Variants in DSCAM observed in about 807,000 individuals in gnomAD.
DSCAM encodes DS cell adhesion molecule.
In DSCAM, 47 loss-of-function variants were observed where a neutral mutation model predicts 217.7. That is an observed-to-expected ratio of 0.22 (90% CI 0.17 to 0.28). DSCAM has a LOEUF of 0.28. DSCAM is among the 10% of genes least tolerant of loss of function. DSCAM has a pLI of 1.00. For missense variants in DSCAM, 2,080 were observed against 2,618.3 expected, an observed-to-expected ratio of 0.79 and a Z score of 4.49; for synonymous variants, 1,056 against 1,015.3, an observed-to-expected ratio of 1.04 and a Z score of -0.76.
intron 3 of DSCAM, among the ~76,000 whole-genome samples, chr21:40,530,102 G>A (rs2076431484): frequency 6.6e-6 from 1 of 152,170 alleles, no homozygotes; most frequent in Non-Finnish European, 1.5e-5. Flanking sequence ...GCTCTCTGCT[G>A]TAGCTCCACA....
At chr21:40,494,662 AGAT>A (rs1200335400) in intron 3 of DSCAM, among the ~76,000 whole-genome samples, 1 of 152,086 alleles carries the variant, frequency 6.6e-6, no homozygotes, top group Non-Finnish European at 1.5e-5. Flanking sequence ...TAAAAAAAAA[AGAT>A]GATTTCAAAT....
chr21:40,554,872 T>C (rs1247930546), intron 3 of DSCAM, among the ~76,000 whole-genome samples: 1 of 152,184 alleles, frequency 6.6e-6, no homozygotes, highest in East Asian at 1.9e-4. Context: ...ACTTGACACA[T>C]GGTATTGAAA....
intron 3 of DSCAM, among the ~76,000 whole-genome samples, chr21:40,494,074 G>T (rs953587969): frequency 2.6e-5 from 4 of 151,718 alleles, no homozygotes; most frequent in Non-Finnish European, 5.9e-5. Flanking sequence ...AAGGATCAAA[G>T]CACACCACTA....
rs547551771 is a variant in DSCAM at position 40,559,302 on chromosome 21, C to CA, written c.508+133507dup. ...TGAAACCCCGTCTCTACTAAAAATA[C>CA]AAAAAATTAGCCGGGCGCGGTGGCG... On this transcript the variant is annotated intron_variant, in intron 3 of 32. Coordinates refer to ENST00000400454, the MANE Select transcript of DSCAM (RefSeq NM_001389.5). 5.9e-5 allele frequency among the ~76,000 whole-genome samples: 9 copies of CA among 151,738 alleles called. No individual in the cohort carries two copies. The East Asian group carries it at 1.6e-3, about 26-fold the overall frequency.
intron 3 of DSCAM, among the ~76,000 whole-genome samples, chr21:40,508,537 C>G (rs1322157396): frequency 6.6e-6 from 1 of 151,466 alleles, no homozygotes; most frequent in East Asian, 1.9e-4. Flanking sequence ...AGACAAACAA[C>G]ATTTTAAAAT....
At chr21:40,443,859 C>T (rs996907919) in intron 3 of DSCAM, among the ~76,000 whole-genome samples, 2 of 152,180 alleles carry the variant, frequency 1.3e-5, no homozygotes, top group African/African-American at 2.4e-5. Flanking sequence ...AGCTCTACAT[C>T]ATATTTGTAT....
At chr21:40,259,989 AG>A (rs1164917789) in intron 11 of DSCAM, among the ~76,000 whole-genome samples, 1 of 151,956 alleles carries the variant, frequency 6.6e-6, no homozygotes, top group African/African-American at 2.4e-5. Flanking sequence ...GGCCTCCCAA[AG>A]TGCTGGGATT....
At chr21:40,177,516 C>T (rs1229341947) in intron 15 of DSCAM, among the ~76,000 whole-genome samples, 1 of 152,162 alleles carries the variant, frequency 6.6e-6, no homozygotes, top group Non-Finnish European at 1.5e-5. Flanking sequence ...ACATTTTAAC[C>T]TATTCTCTTG....
intron 1 of DSCAM, among the ~76,000 whole-genome samples, chr21:40,825,393 C>T (rs1055834856): frequency 6.6e-6 from 1 of 152,022 alleles, no homozygotes; most frequent in African/African-American, 2.4e-5. Context: ...TCTCAGCTCA[C>T]TGCAACCTCT....
intron 8 of DSCAM, among the ~76,000 whole-genome samples, chr21:40,329,509 G>T (rs1189061579): frequency 2.0e-5 from 3 of 151,894 alleles, no homozygotes; most frequent in African/African-American, 7.3e-5. Flanking sequence ...AGCTACTTGG[G>T]AGGCTGAGGC....
chr21:40,290,299 T>C (rs73227011), intron 10 of DSCAM, among the ~76,000 whole-genome samples: 4,140 of 152,192 alleles, frequency 0.027, 86 homozygotes, highest in East Asian at 0.079. Context: ...TGACCCCAAA[T>C]GGAAAACACC....
At chr21:40,609,078 C>T (rs1262480756) in intron 3 of DSCAM, among the ~76,000 whole-genome samples, 1 of 152,160 alleles carries the variant, frequency 6.6e-6, no homozygotes, top group Non-Finnish European at 1.5e-5. Context: ...CCTCAGGCCC[C>T]TGCATAGCTT....
In DSCAM at chr21:40,481,415, G is replaced by A. The variant is rs971916139; in HGVS notation, c.509-112170C>T. ...TGAGGGAGGAGAATGGCATGAACCC[G>A]GGAGGCAAAGCTTGCAGAGAATGGC... On this transcript the variant is annotated intron_variant, in intron 3 of 32. Coordinates refer to ENST00000400454, the MANE Select transcript of DSCAM (RefSeq NM_001389.5). Among the ~76,000 whole-genome samples the A allele has an allele frequency of 5.9e-5, 9 of 151,540 alleles. No individual in the cohort carries two copies. In the South Asian group the frequency reaches 1.0e-3, roughly 18 times the overall value.
chr21:40,161,422 TA>T (rs112201028), intron 16 of DSCAM, among the ~76,000 whole-genome samples: 38,366 of 151,752 alleles, frequency 0.25, 4,877 homozygotes, highest in Middle Eastern at 0.27. Flanking sequence ...GTTTTTTTTT[TA>T]AAAGCACCAC....
intron 3 of DSCAM, among the ~76,000 whole-genome samples, chr21:40,508,755 ATATATATATATATATATATATATATATAT>A (rs1462381698): frequency 0.013 from 48 of 3,768 alleles, 2 homozygotes; most frequent in African/African-American, 0.077. Context: ...ATATATATAT[ATATATATATATATATATATATATATATAT>A]TTTTTTTTTT....
At chr21:40,812,238 T>C (rs911322492) in intron 1 of DSCAM, among the ~76,000 whole-genome samples, 1 of 152,216 alleles carries the variant, frequency 6.6e-6, no homozygotes, top group Non-Finnish European at 1.5e-5. Context: ...TCTGACCTCA[T>C]AAACTGCCAC....
intron 20 of DSCAM, 89 bp downstream of exon 20, chr21:40,124,106 G>A (rs1283923507): frequency 3.2e-6 from 5 of 1,562,274 alleles, no homozygotes; most frequent in East Asian, 2.3e-5. Context: ...AGGTAGGTGG[G>A]AAACAAAGGA....
intron 11 of DSCAM, among the ~76,000 whole-genome samples, chr21:40,195,045 G>A (rs1227130397): frequency 6.6e-6 from 1 of 152,058 alleles, no homozygotes; most frequent in Admixed American, 6.5e-5. Context: ...TAAGCTAAGA[G>A]CAATAATTAA....
intron 6 of DSCAM, among the ~76,000 whole-genome samples, chr21:40,344,179 G>A (rs1339708099): frequency 2.6e-5 from 4 of 152,162 alleles, no homozygotes; most frequent in African/African-American, 7.2e-5. Context: ...GATTACAGGC[G>A]TGAGCGACAG....
Sources: gnomAD v4.1 joint callset for allele counts (sites outside exome capture counted in the v4.1 genomes callset) on GRCh38, gnomAD v4.1.1 for gene constraint, MANE v1.5 for transcripts, NCBI Gene and HGNC (gene_info 2026-07-23, HGNC 2026-07-21) for gene names.